CHADL: variants seen among roughly 807,000 people sequenced by gnomAD.
CHADL encodes the protein chondroadherin like.
CHADL carries 48 observed loss-of-function variants against 52.1 expected under a neutral mutation model. That is an observed-to-expected ratio of 0.92 (90% CI 0.73 to 1.17). CHADL has a LOEUF of 1.17. Ranked by LOEUF, CHADL falls within the 50% of genes most tolerant of loss-of-function variation. The pLI is 0.00. For synonymous variants in CHADL, 498 were observed against 511.2 expected (o/e 0.97, Z 0.35); for missense variants, 977 against 1,035.1 (o/e 0.94, Z 0.77).
chr22:41,240,616 C>A (rs76112915), intron 1 of CHADL, among the ~76,000 whole-genome samples: 2 of 152,222 alleles, frequency 1.3e-5, no homozygotes, highest in Non-Finnish European at 2.9e-5. Flanking sequence ...GGGGACAGAT[C>A]GCTGAAGCGA....
At chr22:41,232,176 C>G (rs949448075) in intron 5 of CHADL, among the ~76,000 whole-genome samples, 1 of 150,526 alleles carries the variant, frequency 6.6e-6, no homozygotes, top group African/African-American at 2.4e-5. Flanking sequence ...ACTAAAAATA[C>G]AAAAAATTAG....
Position 41,236,491 on chromosome 22 carries a change from G to T in CHADL, c.2056C>A (p.Leu686Met), listed in dbSNP as rs1276932634. The T allele has an allele frequency of 8.4e-6, 13 of 1,551,032 alleles. No homozygotes were observed. The highest frequency in any genetic ancestry group is 5.5e-5 in the African/African-American group (4 of 73,174). Residue 686 changes from leucine to methionine, a missense_variant, in exon 4 of 6, where the codon CTG (leucine) becomes ATG (methionine). Coordinates refer to ENST00000216241, the MANE Select transcript of CHADL (RefSeq NM_138481.2). ...CTAGGTGGGGGTGCCCACCTGTGCA[G>T]CGGAAGCAGCTGGCAGTCACAGTGG... ...PFHCDCQLLP[L>M]HRWLTGLNLR... is the part of the protein sequence containing the mutation.
In CHADL at chr22:41,237,741, G is replaced by A. The variant is rs1362482913; in HGVS notation, c.1331C>T (p.Ala444Val). Reference sequence around the variant, plus strand: ...CACCAGGTGGCCCAGGCCGGGGAAGGCCGCTCGGGGCACCGAGGGGAAGTG... The same window carrying A: ...CACCAGGTGGCCCAGGCCGGGGAAGACCGCTCGGGGCACCGAGGGGAAGTG... ...RNHFPSVPRAAFPGLGHLVSL... is the reference protein window; with the variant it reads ...RNHFPSVPRAVFPGLGHLVSL... The change falls in exon 3 of 6, where the codon GCC (alanine) becomes GTC (valine). Residue 444 changes from alanine (A) to valine (V), a missense_variant. By Grantham distance (64) the Ala-to-Val change is moderately conservative. Coordinates refer to ENST00000216241, the MANE Select transcript of CHADL (RefSeq NM_138481.2). The A allele has an allele frequency of 1.3e-6, 2 of 1,539,758 alleles. No individual in the cohort carries two copies. Among genetic ancestry groups the A allele is most frequent in the East Asian group, 4.9e-5 (2 of 40,778 alleles).
Position 41,229,570 on chromosome 22 carries a change from C to T in CHADL, c.*134G>A. 1 of 1,613,002 alleles carries T rather than the reference C, an allele frequency of 6.2e-7. No individual in the cohort carries two copies. The highest frequency in any genetic ancestry group is 8.5e-7 in the Non-Finnish European group (1 of 1,179,078). ...AGAATCCCGCCCACTAAGACGCGAC[C>T]CCTCAGACAGGGGTCCAAGAAGCCC... On this transcript the variant is annotated 3_prime_UTR_variant, in exon 6 of 6. Transcript: ENST00000216241.
chr22:41,236,775 G>T, intron 3 of CHADL, 125 bp from the exon 4 acceptor site: 1 of 965,362 alleles, frequency 1.0e-6, no homozygotes, highest in Non-Finnish European at 1.5e-6. Context: ...GTCCAGCCAG[G>T]AAGTGCAGCG....
At position 41,236,617 on chromosome 22, in the gene CHADL, C is replaced by T. The variant is rs760841001; in HGVS notation, c.1930G>A (p.Gly644Arg). The T allele has an allele frequency of 1.5e-5, 23 of 1,550,106 alleles. No homozygotes were observed. The highest frequency in any genetic ancestry group is 1.8e-4 in the Middle Eastern group (1 of 5,462). The change falls in exon 4 of 6, where the codon GGG (glycine) becomes AGG (arginine). Residue 644 changes from glycine to arginine, a missense_variant. By Grantham distance (125) the Gly-to-Arg change is moderately radical (BLOSUM62 -2). Coordinates refer to ENST00000216241, the MANE Select transcript of CHADL (RefSeq NM_138481.2). ...CPGAFSGLGP[G>R]LQSLHLQKNQ... The stretch of plus-strand genomic sequence containing the variant: ...TTCTGCAGGTGCAGGCTCTGGAGCC[C>T]GGGCCCCAGGCCTGAAAAGGCCCCA...
At position 41,237,998 on chromosome 22, in the gene CHADL, A is replaced by G; in HGVS notation, c.1074T>C (p.Pro358=). Residue 358 remains proline (P), a synonymous_variant, in exon 3 of 6, where the codon CCT becomes CCC. Coordinates refer to ENST00000216241, the MANE Select transcript of CHADL (RefSeq NM_138481.2). ...CTTCCTCTTCCTGCGCCGCGTCCCC[A>G]GGGCAGCGCAGGTCCCAGGGCCGCA... ...DALRPWDLRC[P]GDAAQEEEEL... The G allele has an allele frequency of 1.6e-6, 2 of 1,272,396 alleles. No individual in the cohort carries two copies. Among genetic ancestry groups the G allele is most frequent in the South Asian group, 2.8e-5 (1 of 35,316 alleles). 78.8% of individuals were successfully genotyped at this position (1,272,396 alleles called of 1,614,324 possible).
At position 41,229,807 on chromosome 22, in the gene CHADL, G is replaced by T. The variant is rs146138408; in HGVS notation, c.2263-77C>A. 275 of 1,334,660 alleles carry T rather than the reference G, an allele frequency of 2.1e-4. 1 individual carries two copies. In the East Asian group the frequency reaches 6.8e-3, roughly 33 times the overall value. 82.7% of individuals were successfully genotyped at this position (1,334,660 alleles called of 1,614,324 possible). A position where few individuals can be genotyped will look rare whatever the true frequency, so the allele number is the denominator to read the frequency against. On this transcript the variant is annotated intron_variant, in intron 5 of 5. Coordinates refer to ENST00000216241, the MANE Select transcript of CHADL (RefSeq NM_138481.2). ...GCAGTCCTGTACCACTGGACCCAGG[G>T]TGTTTCCCAGACACGCCCCCAACTG... is the stretch of plus-strand genomic sequence containing the variant.
chr22:41,231,340 G>C (rs914104546), intron 5 of CHADL: 1 of 152,126 alleles, frequency 6.6e-6, no homozygotes, highest in African/African-American at 2.4e-5. Flanking sequence ...TCGTGGTATC[G>C]ATCATGAAGG....
chr22:41,236,394 C>CATGGACATGGTG (rs2032740126), intron 4 of CHADL, 90 bp downstream of exon 4: 2 of 1,196,474 alleles, frequency 1.7e-6, no homozygotes, highest in Non-Finnish European at 2.4e-6. Context: ...CTCGGATGGG[C>CATGGACATGGTG]ATGGACATGG....
intron 5 of CHADL, chr22:41,230,324 C>A: frequency 8.9e-7 from 1 of 1,118,608 alleles, no homozygotes; most frequent in Non-Finnish European, 1.4e-6. Context: ...ACCATGCCTC[C>A]ACCTGACTTT....
rs2066237670 is a variant in CHADL at position 41,238,452 on chromosome 22, G to A, written c.620C>T (p.Ala207Val). The change falls in exon 3 of 6, where the codon GCC (alanine) becomes GTC (valine). Residue 207 changes from alanine to valine, a missense_variant. Coordinates refer to ENST00000216241, the MANE Select transcript of CHADL (RefSeq NM_138481.2). This position sits in a 1 kb window ranked among gnomAD's most constrained non-coding sequence, Gnocchi z 4.9. ...LAPEALAGLP[A>V]LRRLSLHHNE... ...GTGGTGTAGGCTGAGCCGTCTCAGG[G>A]CGGGCAGGCCAGCCAGGGCCTCGGG... 2.6e-6 allele frequency: 4 copies of A among 1,529,914 alleles called. No individual in the cohort carries two copies. 94.8% of individuals were successfully genotyped at this position (1,529,914 alleles called of 1,614,324 possible).
At chr22:41,232,414 A>G (rs1341614359) in intron 5 of CHADL, among the ~76,000 whole-genome samples, 1 of 151,970 alleles carries the variant, frequency 6.6e-6, no homozygotes, top group Non-Finnish European at 1.5e-5. Flanking sequence ...CCTAGTCGTG[A>G]GTCAGTCATT....
intron 5 of CHADL, among the ~76,000 whole-genome samples, chr22:41,234,714 C>G (rs950367894): frequency 6.6e-6 from 1 of 152,094 alleles, no homozygotes; most frequent in African/African-American, 2.4e-5. Context: ...CCACCACAGC[C>G]GGATAATTTT....
At chr22:41,235,420 T>C in intron 4 of CHADL, 77 bp from the exon 5 acceptor site, 1 of 1,209,662 alleles carries the variant, frequency 8.3e-7, no homozygotes, top group South Asian at 1.3e-5. Context: ...GCACTGGGTG[T>C]GGGGCAGGGT....
At position 41,238,550 on chromosome 22, in the gene CHADL, G is replaced by A. The variant is rs955825354; in HGVS notation, c.522C>T (p.Pro174=). 1.9e-6 allele frequency: 3 copies of A among 1,545,974 alleles called. No individual in the cohort carries two copies. Among genetic ancestry groups the A allele is most frequent in the African/African-American group, 2.7e-5 (2 of 73,026 alleles). The part of the protein sequence containing the change: ...NLAHNALVYL[P]AMAFQGLLRV... ...GCAGTAGCCCCTGGAAGGCCATGGC[G>A]GGCAGGTAAACCAGGGCGTTGTGGG... The change falls in exon 3 of 6, where the codon CCC becomes CCT. Residue 174 remains proline, a synonymous_variant. Coordinates refer to ENST00000216241, the MANE Select transcript of CHADL (RefSeq NM_138481.2). This position sits in a 1 kb window ranked among gnomAD's most constrained non-coding sequence, Gnocchi z 4.9.
In CHADL at chr22:41,236,475, G is replaced by A; in HGVS notation, c.2063+9C>T. ...GTCTTTGGCTGGAGGTCTAGGTGGGGGTGCCCACCTGTGCAGCGGAAGCAG... is the reference window on the plus strand; with the variant it reads ...GTCTTTGGCTGGAGGTCTAGGTGGGAGTGCCCACCTGTGCAGCGGAAGCAG... On this transcript the variant is annotated intron_variant, in intron 4 of 5. Coordinates refer to ENST00000216241, the MANE Select transcript of CHADL (RefSeq NM_138481.2). 2 of 1,549,130 alleles carry A rather than the reference G, an allele frequency of 1.3e-6. No individual in the cohort carries two copies. The highest frequency in any genetic ancestry group is 1.7e-6 in the Non-Finnish European group (2 of 1,145,586).
In CHADL at chr22:41,237,883, G is replaced by T; in HGVS notation, c.1189C>A (p.Pro397Thr). 7.4e-7 allele frequency: 1 copy of T among 1,360,020 alleles called. No homozygotes were observed. The highest frequency in any genetic ancestry group is 1.7e-5 in the South Asian group (1 of 58,846). The allele number at this position is 1,360,020 out of a possible 1,614,324, so 84.2% of individuals were successfully genotyped here. ...PGEERAVAPC[P>T]RACVCVPESR... ...TCGGGGACGCACACGCAGGCGCGAG[G>T]GCAAGGCGCGACTGCCCGCTCCTCC... The change falls in exon 3 of 6, where the codon CCT (proline) becomes ACT (threonine). Residue 397 changes from proline (P) to threonine (T), a missense_variant. Coordinates refer to ENST00000216241, the MANE Select transcript of CHADL (RefSeq NM_138481.2).
In CHADL at chr22:41,232,182, A is replaced by C. The variant is rs181909593; in HGVS notation, c.2263-2452T>G. On this transcript the variant is annotated intron_variant, in intron 5 of 5. Coordinates refer to ENST00000216241, the MANE Select transcript of CHADL (RefSeq NM_138481.2). ...CCTGTCTCTACTAAAAATACAAAAA[A>C]TTAGCCGGGCGTGGTGGCAGTCACC... 4.6e-3 allele frequency among the ~76,000 whole-genome samples: 700 copies of C among 151,918 alleles called. 4 individuals carry two copies. Among genetic ancestry groups the C allele is most frequent in the Non-Finnish European group, 6.7e-3 (455 of 67,930 alleles).
Sources: gnomAD v4.1 joint callset for allele counts (sites outside exome capture counted in the v4.1 genomes callset) on GRCh38, gnomAD v4.1.1 for gene constraint, Gnocchi (gnomAD v3.1) non-coding constraint, MANE v1.5 for transcripts, NCBI Gene and HGNC (gene_info 2026-07-23, HGNC 2026-07-21) for gene names.